The following PATJ variants were observed in gnomAD, a reference collection of about 807,000 sequenced individuals.
The protein encoded by PATJ is PATJ crumbs cell polarity complex component, also known as inaD-like protein.
A neutral mutation model predicts 224.9 loss-of-function variants in PATJ; 190 were observed. The ratio of observed to expected loss-of-function variants is 0.84; its 90% CI spans 0.75 to 0.95. PATJ has a LOEUF of 0.95. Among genes scored for constraint, PATJ ranks in the 40% least tolerant of loss-of-function variants. The pLI is 0.00. For synonymous variants in PATJ, 769 were observed against 820.3 expected (o/e 0.94, Z 1.07); for missense variants, 2,121 against 2,270.3 (o/e 0.93, Z 1.34).
intron 41 of PATJ, among the ~76,000 whole-genome samples, chr1:62,146,227 A>C (rs1018161028): frequency 6.6e-6 from 1 of 152,118 alleles, no homozygotes; most frequent in African/African-American, 2.4e-5. Flanking sequence ...GGCCGGCACA[A>C]TGGGGCGGAG....
intron 41 of PATJ, among the ~76,000 whole-genome samples, chr1:62,131,309 T>C (rs1294994001): frequency 6.6e-6 from 1 of 152,118 alleles, no homozygotes; most frequent in East Asian, 1.9e-4. Flanking sequence ...CTAGAGGCAG[T>C]ACAGTGCAGC....
chr1:61,846,764 C>T (rs1002932902), intron 17 of PATJ, among the ~76,000 whole-genome samples: 1 of 151,940 alleles, frequency 6.6e-6, no homozygotes, highest in Non-Finnish European at 1.5e-5. Context: ...GCCTGGCTAA[C>T]GTTTTTGTAT....
intron 14 of PATJ, among the ~76,000 whole-genome samples, chr1:61,815,907 A>G (rs1360785062): frequency 6.6e-6 from 1 of 152,146 alleles, no homozygotes; most frequent in Admixed American, 6.5e-5. Context: ...TTTCTTGGCA[A>G]GTGTTTACTA....
At chr1:62,006,873 G>A (rs917599099) in intron 28 of PATJ, among the ~76,000 whole-genome samples, 1 of 152,188 alleles carries the variant, frequency 6.6e-6, no homozygotes, top group African/African-American at 2.4e-5. Flanking sequence ...GTCATAAAGT[G>A]TACAACCTAG....
intron 27 of PATJ, among the ~76,000 whole-genome samples, chr1:61,952,978 A>C (rs894051861): frequency 2.6e-5 from 4 of 152,140 alleles, no homozygotes; most frequent in African/African-American, 9.6e-5. Context: ...TAATTATTTT[A>C]TTTGCTAGTT....
intron 20 of PATJ, among the ~76,000 whole-genome samples, chr1:61,869,719 G>A (rs868313514): frequency 1.3e-5 from 2 of 152,228 alleles, no homozygotes; most frequent in African/African-American, 2.4e-5. Context: ...GAGGGAGTGT[G>A]TGAGTGAACA....
At chr1:61,961,277 C>T (rs1681242901) in intron 27 of PATJ, among the ~76,000 whole-genome samples, 1 of 152,170 alleles carries the variant, frequency 6.6e-6, no homozygotes, top group Admixed American at 6.5e-5. Context: ...CACCCTTGTG[C>T]AGTGTACATA....
At chr1:61,748,443 A>G (rs982398600) in intron 1 of PATJ, among the ~76,000 whole-genome samples, 1 of 148,976 alleles carries the variant, frequency 6.7e-6, no homozygotes, top group African/African-American at 2.5e-5. Context: ...TTTAGTACAG[A>G]CGGGGTTTCA....
chr1:61,834,107 A>G (rs546240169), intron 17 of PATJ, among the ~76,000 whole-genome samples: 1 of 152,240 alleles, frequency 6.6e-6, no homozygotes, highest in Non-Finnish European at 1.5e-5. Context: ...ATACCATAAA[A>G]TTCACCCATT....
intron 34 of PATJ, among the ~76,000 whole-genome samples, chr1:62,111,803 G>T (rs1663851395): frequency 6.6e-6 from 1 of 152,018 alleles, no homozygotes; most frequent in South Asian, 2.1e-4. Flanking sequence ...TGGGATTATG[G>T]GCGCCTGCCA....
intron 29 of PATJ, among the ~76,000 whole-genome samples, chr1:62,027,451 C>T (rs370696956): frequency 2.6e-5 from 4 of 152,088 alleles, no homozygotes; most frequent in African/African-American, 9.6e-5. Flanking sequence ...TCTTCCAGAC[C>T]CTGCTTTCAA....
intron 17 of PATJ, among the ~76,000 whole-genome samples, chr1:61,850,340 G>T (rs1443914201): frequency 6.6e-6 from 1 of 152,226 alleles, no homozygotes; most frequent in Non-Finnish European, 1.5e-5. Context: ...TGGGCATAAT[G>T]ATTATCACAT....
At chr1:61,883,272 T>A (rs1668346402) in intron 21 of PATJ, among the ~76,000 whole-genome samples, 1 of 152,222 alleles carries the variant, frequency 6.6e-6, no homozygotes, top group South Asian at 2.1e-4. Context: ...TGAACCTTTC[T>A]AAATAGAAAT....
chr1:61,903,929 C>T (rs1482664479), intron 24 of PATJ, among the ~76,000 whole-genome samples: 2 of 152,020 alleles, frequency 1.3e-5, no homozygotes, highest in South Asian at 4.2e-4. Flanking sequence ...CCCACCACCA[C>T]GCCCGGCTAA....
chr1:62,127,762 G>A (rs935675670), intron 39 of PATJ, among the ~76,000 whole-genome samples: 5 of 151,948 alleles, frequency 3.3e-5, no homozygotes, highest in Non-Finnish European at 7.4e-5. Context: ...ACCTGAGATC[G>A]TGCCATTGCA....
intron 39 of PATJ, among the ~76,000 whole-genome samples, chr1:62,123,476 T>A (rs1032442475): frequency 7.8e-6 from 1 of 128,638 alleles, no homozygotes; most frequent in African/African-American, 3.0e-5. Context: ...TTTCTTTTTT[T>A]TTTTTTTTTT....
chr1:61,808,934 C>A lies in PATJ; in HGVS notation c.1683+404C>A, dbSNP rs1654131459. Among the ~76,000 whole-genome samples, 4 of 151,956 alleles carry A rather than the reference C, an allele frequency of 2.6e-5. No homozygotes were observed. The South Asian group carries it at 8.3e-4, about 31-fold the overall frequency. ...ATGCAGAGTAACATTGTGCAGTGTGCGTTAGTTTTTTAGATATTATAAGGA... is the reference window on the plus strand; with the variant it reads ...ATGCAGAGTAACATTGTGCAGTGTGAGTTAGTTTTTTAGATATTATAAGGA... On this transcript the variant is annotated intron_variant, in intron 14 of 43. Transcript: ENST00000642238.
chr1:61,871,849 C>T (rs1483096374), intron 20 of PATJ, among the ~76,000 whole-genome samples: 1 of 150,268 alleles, frequency 6.7e-6, no homozygotes, highest in Non-Finnish European at 1.5e-5. Context: ...CAGGCGTGAG[C>T]CACCACGTCT....
At chr1:62,001,903 AAC>A (rs1645797762) in intron 28 of PATJ, among the ~76,000 whole-genome samples, 1 of 152,112 alleles carries the variant, frequency 6.6e-6, no homozygotes, top group Non-Finnish European at 1.5e-5. Flanking sequence ...CCTTCACAAA[AAC>A]TAACAAACAG....
Sources: gnomAD v4.1 joint callset for allele counts (sites outside exome capture counted in the v4.1 genomes callset) on GRCh38, gnomAD v4.1.1 for gene constraint, MANE v1.5 for transcripts, NCBI Gene and HGNC (gene_info 2026-07-23, HGNC 2026-07-21) for gene names.